SH3PXD2A: variants seen among roughly 807,000 people sequenced by gnomAD.
The protein encoded by SH3PXD2A is SH3 and PX domain-containing protein 2A.
In SH3PXD2A, 32 loss-of-function variants were observed where a neutral mutation model predicts 115.2. The ratio of observed to expected loss-of-function variants is 0.28; its 90% confidence interval spans 0.21 to 0.37. The LOEUF (loss-of-function observed/expected upper bound fraction) is 0.37, where lower values mean the gene tolerates loss of function less well. Ranked by LOEUF, SH3PXD2A falls within the 10% of genes least tolerant of loss-of-function variation. SH3PXD2A has a pLI of 1.00. For synonymous variants in SH3PXD2A, 610 were observed against 629.1 expected, an observed-to-expected ratio of 0.97 and a Z score of 0.45; for missense variants, 1,328 against 1,498.7, an observed-to-expected ratio of 0.89 and a Z score of 1.88.
chr10:103,663,500 G>C (rs914469215), intron 7 of SH3PXD2A, among the ~76,000 whole-genome samples: 1 of 152,222 alleles, frequency 6.6e-6, no homozygotes, highest in Non-Finnish European at 1.5e-5. Context: ...GGTTCTTCTA[G>C]CACAGTAATC....
intron 3 of SH3PXD2A, among the ~76,000 whole-genome samples, chr10:103,740,837 C>T (rs1260430057): frequency 6.6e-6 from 1 of 152,108 alleles, no homozygotes; most frequent in Non-Finnish European, 1.5e-5. Flanking sequence ...CCTTCCTTCC[C>T]TTGATCCACC....
chr10:103,685,796 C>T (rs1053702490), intron 6 of SH3PXD2A, among the ~76,000 whole-genome samples: 5 of 152,210 alleles, frequency 3.3e-5, no homozygotes, highest in Admixed American at 2.6e-4. Flanking sequence ...TGAAACTAAG[C>T]ATTCTGGCTC....
intron 1 of SH3PXD2A, among the ~76,000 whole-genome samples, chr10:103,814,989 G>A (rs1209325833): frequency 1.0e-5 from 1 of 100,016 alleles, no homozygotes; most frequent in Non-Finnish European, 2.5e-5. Context: ...GCCAACTGGG[G>A]AGGTGGGGGG....
At chr10:103,717,781 T>A (rs558296735) in intron 5 of SH3PXD2A, among the ~76,000 whole-genome samples, 1 of 152,244 alleles carries the variant, frequency 6.6e-6, no homozygotes, top group Non-Finnish European at 1.5e-5. Flanking sequence ...TGGGCCTGCC[T>A]TTAGCTCCTG....
chr10:103,812,190 A>T (rs2039277624), intron 1 of SH3PXD2A, among the ~76,000 whole-genome samples: 3 of 152,184 alleles, frequency 2.0e-5, no homozygotes, highest in Admixed American at 2.0e-4. Context: ...TCTGGTCCCA[A>T]GTCAGCTTGG....
intron 3 of SH3PXD2A, among the ~76,000 whole-genome samples, chr10:103,760,667 G>T (rs376897010): frequency 4.0e-5 from 6 of 151,430 alleles, no homozygotes; most frequent in Non-Finnish European, 8.8e-5. Context: ...TATATGTAAC[G>T]AGGGAAAGAT....
chr10:103,653,137 C>G (rs1422342067), intron 8 of SH3PXD2A, among the ~76,000 whole-genome samples: 1 of 152,162 alleles, frequency 6.6e-6, no homozygotes, highest in East Asian at 1.9e-4. Context: ...AGAATTACTT[C>G]CTTGGTTTAC....
intron 1 of SH3PXD2A, among the ~76,000 whole-genome samples, chr10:103,814,359 A>T (rs1470991057): frequency 6.6e-6 from 1 of 152,216 alleles, no homozygotes; most frequent in East Asian, 1.9e-4. Context: ...CTCAGCCCAG[A>T]GGAGGTATTT....
rs531705425 is a variant in SH3PXD2A at position 103,601,529 on chromosome 10, C to T, written c.*287G>A. ...ATGGCATGTAATCCATTGGTGAAGT[C>T]CCTATGGTGCACAGGATATCTCAGC... On this transcript the variant is annotated 3_prime_UTR_variant, in exon 15 of 15. Transcript: ENST00000369774. 1 of 309,062 alleles carries T rather than the reference C, an allele frequency of 3.2e-6. No homozygotes were observed. The highest frequency in any genetic ancestry group is 2.1e-5 in the African/African-American group (1 of 47,498). 19.1% of individuals were successfully genotyped at this position (309,062 alleles called of 1,614,324 possible). A position where few individuals can be genotyped will look rare whatever the true frequency, so the allele number is the denominator to read the frequency against.
At chr10:103,719,689 T>C (rs1430367337) in intron 5 of SH3PXD2A, among the ~76,000 whole-genome samples, 1 of 151,602 alleles carries the variant, frequency 6.6e-6, no homozygotes, top group Admixed American at 6.6e-5. Flanking sequence ...CTTCTTACAC[T>C]AGGTAATTTC....
intron 4 of SH3PXD2A, among the ~76,000 whole-genome samples, chr10:103,725,617 A>G (rs1348541634): frequency 2.6e-5 from 4 of 152,134 alleles, no homozygotes; most frequent in African/African-American, 9.7e-5. Context: ...ACTTGAGGTC[A>G]GGAGTTGGAG....
intron 1 of SH3PXD2A, among the ~76,000 whole-genome samples, chr10:103,847,740 A>G (rs1037645600): frequency 2.0e-5 from 3 of 152,024 alleles, no homozygotes; most frequent in African/African-American, 7.2e-5. Flanking sequence ...GGAGTTCGAG[A>G]CCAGCCTGGC....
At chr10:103,853,538 G>A (rs1339924829) in intron 1 of SH3PXD2A, among the ~76,000 whole-genome samples, 1 of 152,194 alleles carries the variant, frequency 6.6e-6, no homozygotes. Context: ...GCCAGGCTTT[G>A]AGCAAGACCG....
intron 8 of SH3PXD2A, among the ~76,000 whole-genome samples, chr10:103,641,480 A>C (rs1182012233): frequency 6.6e-6 from 1 of 152,132 alleles, no homozygotes; most frequent in African/African-American, 2.4e-5. Flanking sequence ...CAGGATTGGC[A>C]CTCAGGTCTC....
At chr10:103,662,460 C>T (rs1243205988) in intron 7 of SH3PXD2A, among the ~76,000 whole-genome samples, 2 of 123,862 alleles carry the variant, frequency 1.6e-5, no homozygotes, top group African/African-American at 3.4e-5. Flanking sequence ...ACTGCAGTGG[C>T]GCAATCTCAG....
chr10:103,827,052 C>T (rs770051687), intron 1 of SH3PXD2A, among the ~76,000 whole-genome samples: 14 of 151,992 alleles, frequency 9.2e-5, no homozygotes, highest in South Asian at 2.1e-4. Flanking sequence ...TGTCCCCAGG[C>T]GAATCTGTCA....
chr10:103,603,840 A>G (rs1315346937), intron 14 of SH3PXD2A, 51 bp from the exon 15 acceptor site: 2 of 1,517,470 alleles, frequency 1.3e-6, no homozygotes, highest in African/African-American at 1.4e-5. Flanking sequence ...CTGGAACCCT[A>G]TGACATCCCA....
chr10:103,716,882 C>T (rs940830261), intron 5 of SH3PXD2A, among the ~76,000 whole-genome samples: 7 of 152,220 alleles, frequency 4.6e-5, no homozygotes, highest in African/African-American at 1.4e-4. Flanking sequence ...AAGTGGAGAA[C>T]GTGTGTATGT....
chr10:103,702,412 G>T (rs1384067213), intron 5 of SH3PXD2A, among the ~76,000 whole-genome samples: 1 of 152,234 alleles, frequency 6.6e-6, no homozygotes, highest in Non-Finnish European at 1.5e-5. Context: ...GAAATTTCCA[G>T]GACAGGGAGA....
Sources: allele counts gnomAD v4.1 joint callset (sites outside exome capture counted in the v4.1 genomes callset), GRCh38; gene constraint gnomAD v4.1.1; transcripts MANE v1.5; gene names NCBI Gene and HGNC (gene_info 2026-07-23, HGNC 2026-07-21).